Variants in SH3GL2 observed in about 807,000 individuals in gnomAD.
SH3GL2 encodes SH3 domain containing GRB2 like 2, endophilin A1, also known as endophilin-A1.
A neutral mutation model predicts 46.0 loss-of-function variants in SH3GL2; 24 were observed. The ratio of observed to expected loss-of-function variants is 0.52; its 90% CI spans 0.38 to 0.73. The LOEUF is 0.73. SH3GL2 is among the 30% of genes least tolerant of loss of function. SH3GL2 has a pLI of 0.00. For synonymous variants in SH3GL2, 196 were observed against 147.1 expected (o/e 1.33, Z -2.40); for missense variants, 413 against 424.2 (o/e 0.97, Z 0.23).
chr9:17,631,210 A>T (rs1998246), intron 1 of SH3GL2, among the ~76,000 whole-genome samples: 1 of 152,096 alleles, frequency 6.6e-6, no homozygotes, highest in Admixed American at 6.6e-5. Flanking sequence ...TCAACGGAGC[A>T]GTTTCCAAGG....
In SH3GL2 at chr9:17,769,881, C is replaced by T. The variant is rs571331474; in HGVS notation, c.187+8372C>T. On this transcript the variant is annotated intron_variant, in intron 3 of 8. Coordinates refer to ENST00000380607, the MANE Select transcript of SH3GL2 (RefSeq NM_003026.5). The stretch of plus-strand genomic sequence containing the variant: ...AAATATTTATTGAATGAATGCTGTT[C>T]ATCTCTTCCAGTATATTGTAAACAT... 1.3e-4 allele frequency among the ~76,000 whole-genome samples: 20 copies of T among 152,240 alleles called. 1 individual carries two copies. In the East Asian group the frequency reaches 3.9e-3, roughly 29 times the overall value.
chr9:17,627,797 G>C (rs1819316272), intron 1 of SH3GL2, among the ~76,000 whole-genome samples: 1 of 152,194 alleles, frequency 6.6e-6, no homozygotes, highest in African/African-American at 2.4e-5. Context: ...TGAAAAGACA[G>C]CTGGCATCCA....
intron 1 of SH3GL2, among the ~76,000 whole-genome samples, chr9:17,597,314 G>C (rs1818590885): frequency 6.6e-6 from 1 of 152,162 alleles, no homozygotes; most frequent in African/African-American, 2.4e-5. Flanking sequence ...TTGAGTTCAG[G>C]AGTTCAAAGC....
intron 3 of SH3GL2, among the ~76,000 whole-genome samples, chr9:17,784,054 A>C (rs533659937): frequency 1.3e-5 from 2 of 152,290 alleles, no homozygotes; most frequent in East Asian, 3.9e-4. Flanking sequence ...CATTAACCCA[A>C]GATTCTTAAT....
chr9:17,715,033 G>T (rs2118299317), intron 1 of SH3GL2, among the ~76,000 whole-genome samples: 1 of 151,738 alleles, frequency 6.6e-6, no homozygotes, highest in African/African-American at 2.4e-5. Flanking sequence ...TTCTTTTAGT[G>T]CTTTAAAGAT....
intron 1 of SH3GL2, among the ~76,000 whole-genome samples, chr9:17,703,352 A>AT (rs1821383631): frequency 6.6e-6 from 1 of 152,058 alleles, no homozygotes. Context: ...TGATGTAATA[A>AT]TCACAAGTTT....
Position 17,796,479 on chromosome 9 carries a change from C to G in SH3GL2, c.*736C>G, listed in dbSNP as rs531766803. Reference sequence around the variant, plus strand: ...CCATTATGAGGAATTGGGAAGAAATCTGGTATCCAAGCTTAAATTTCTTGC... The same window carrying G: ...CCATTATGAGGAATTGGGAAGAAATGTGGTATCCAAGCTTAAATTTCTTGC... On this transcript the variant is annotated 3_prime_UTR_variant, in exon 9 of 9. Coordinates refer to ENST00000380607, the MANE Select transcript of SH3GL2 (RefSeq NM_003026.5). The G allele has an allele frequency of 6.6e-6, 1 of 152,034 alleles. No individual in the cohort carries two copies. The highest frequency in any genetic ancestry group is 1.9e-4 in the East Asian group (1 of 5,184). 9.4% of individuals were successfully genotyped at this position (152,034 alleles called of 1,614,324 possible). A position where few individuals can be genotyped will look rare whatever the true frequency, so the allele number is the denominator to read the frequency against.
chr9:17,718,100 C>T (rs540585336), intron 1 of SH3GL2, among the ~76,000 whole-genome samples: 2 of 152,138 alleles, frequency 1.3e-5, no homozygotes, highest in Non-Finnish European at 2.9e-5. Context: ...TAAATCTCTA[C>T]TGATGCTTGA....
intron 1 of SH3GL2, among the ~76,000 whole-genome samples, chr9:17,713,857 C>T (rs1025269291): frequency 5.9e-5 from 9 of 151,630 alleles, no homozygotes; most frequent in South Asian, 2.1e-4. Context: ...ATTTTGTCAT[C>T]GTTGGATGGA....
At chr9:17,785,646 T>A (rs1234147670) in intron 3 of SH3GL2, among the ~76,000 whole-genome samples, 6 of 152,284 alleles carry the variant, frequency 3.9e-5, no homozygotes, top group East Asian at 1.9e-4. Context: ...ACAATTTTTT[T>A]AATAAAGCTG....
At chr9:17,591,671 A>G (rs1818483824) in intron 1 of SH3GL2, among the ~76,000 whole-genome samples, 1 of 152,166 alleles carries the variant, frequency 6.6e-6, no homozygotes, top group Admixed American at 6.5e-5. Context: ...AATGTTTTTC[A>G]CAGTTCCTTT....
intron 2 of SH3GL2, among the ~76,000 whole-genome samples, chr9:17,756,634 G>A (rs1458268906): frequency 6.6e-6 from 1 of 151,786 alleles, no homozygotes; most frequent in Non-Finnish European, 1.5e-5. Flanking sequence ...CTTCATCCAC[G>A]TCCCTACAAA....
intron 1 of SH3GL2, among the ~76,000 whole-genome samples, chr9:17,587,490 AACTTCC>A (rs1818401270): frequency 6.6e-6 from 1 of 152,190 alleles, no homozygotes; most frequent in Non-Finnish European, 1.5e-5. Context: ...CTTTTCAGTC[AACTTCC>A]TGTTTATTTA....
At chr9:17,633,596 G>A (rs2208497) in intron 1 of SH3GL2, among the ~76,000 whole-genome samples, 131,874 of 152,184 alleles carry the variant, frequency 0.87, 58,891 homozygotes, top group East Asian at 1. Flanking sequence ...TTAGTGTTTT[G>A]GCACATTTGT....
At chr9:17,616,981 C>T (rs1408356344) in intron 1 of SH3GL2, among the ~76,000 whole-genome samples, 2 of 152,170 alleles carry the variant, frequency 1.3e-5, no homozygotes. Context: ...TTCCTAAAGA[C>T]AGTTCCTGCA....
At chr9:17,775,160 G>A (rs1823607218) in intron 3 of SH3GL2, among the ~76,000 whole-genome samples, 2 of 151,924 alleles carry the variant, frequency 1.3e-5, no homozygotes. Flanking sequence ...AGTAATTTGT[G>A]TCTTTTCTCT....
intron 2 of SH3GL2, among the ~76,000 whole-genome samples, chr9:17,758,667 A>G (rs1352852792): frequency 1.3e-5 from 2 of 151,384 alleles, no homozygotes; most frequent in South Asian, 4.2e-4. Context: ...ATTCCTGATA[A>G]TGAAATAAAA....
chr9:17,707,401 G>C (rs1244004083), intron 1 of SH3GL2, among the ~76,000 whole-genome samples: 3 of 151,972 alleles, frequency 2.0e-5, no homozygotes, highest in Non-Finnish European at 2.9e-5. Context: ...TCTCTCTAGG[G>C]CTGTCCATTA....
chr9:17,733,296 T>G (rs529314981), intron 1 of SH3GL2, among the ~76,000 whole-genome samples: 2 of 152,060 alleles, frequency 1.3e-5, no homozygotes, highest in African/African-American at 4.8e-5. Context: ...ATTATTATAC[T>G]TTAAGTTTTA....
Sources: allele counts gnomAD v4.1 joint callset (sites outside exome capture counted in the v4.1 genomes callset), GRCh38; gene constraint gnomAD v4.1.1; transcripts MANE v1.5; gene names NCBI Gene and HGNC (gene_info 2026-07-23, HGNC 2026-07-21).